Variants in RBFOX1 observed in about 807,000 individuals in gnomAD.
The protein encoded by RBFOX1 is RNA binding fox-1 homolog 1, also known as RNA binding protein fox-1 homolog 1.
RBFOX1 carries 8 observed loss-of-function variants against 57.7 expected under a neutral mutation model. The ratio of observed to expected loss-of-function variants is 0.14; its 90% CI spans 0.08 to 0.25. The LOEUF is 0.25. RBFOX1 is among the 10% of genes least tolerant of loss of function. The pLI is 1.00. For synonymous variants in RBFOX1, 326 were observed against 222.4 expected (o/e 1.47, Z -4.15); for missense variants, 611 against 548.5 (o/e 1.11, Z -1.14).
At chr16:6,079,697 G>A (rs2095969875) in intron 1 of RBFOX1, among the ~76,000 whole-genome samples, 1 of 152,128 alleles carries the variant, frequency 6.6e-6, no homozygotes, top group Admixed American at 6.5e-5. Flanking sequence ...TTAGCCAGGT[G>A]TGATGGCACA....
intron 1 of RBFOX1, among the ~76,000 whole-genome samples, chr16:5,351,241 T>G (rs1349672719): frequency 6.6e-6 from 1 of 152,042 alleles, no homozygotes; most frequent in Admixed American, 6.6e-5. Flanking sequence ...TTTGCAGGAG[T>G]TGCTTCAATA....
intron 1 of RBFOX1, among the ~76,000 whole-genome samples, chr16:5,317,740 T>G (rs1392146212): frequency 6.6e-6 from 1 of 152,264 alleles, no homozygotes; most frequent in East Asian, 1.9e-4. Flanking sequence ...CAGGCATTGC[T>G]TTGCGTTTCT....
intron 4 of RBFOX1, among the ~76,000 whole-genome samples, chr16:5,919,613 G>C (rs2058776678): frequency 6.6e-6 from 1 of 152,036 alleles, no homozygotes; most frequent in Non-Finnish European, 1.5e-5. Context: ...CAAAGTGCTG[G>C]GATTATGCAA....
chr16:6,881,023 C>T (rs1017740739), intron 3 of RBFOX1, among the ~76,000 whole-genome samples: 1 of 152,176 alleles, frequency 6.6e-6, no homozygotes, highest in Admixed American at 6.5e-5. Context: ...GTGGCCCATA[C>T]CCTCCACCTT....
intron 2 of RBFOX1, among the ~76,000 whole-genome samples, chr16:6,562,880 C>CTTTCTTTCTTT (rs746999419): frequency 0.029 from 1,470 of 51,524 alleles, 36 homozygotes; most frequent in East Asian, 0.039. Context: ...TTCTTTCTTT[C>CTTTCTTTCTTT]TTTTTTTTTT....
chr16:7,517,572 AC>A (rs1470775400), intron 4 of RBFOX1, among the ~76,000 whole-genome samples: 3 of 133,062 alleles, frequency 2.3e-5, no homozygotes, highest in African/African-American at 8.3e-5. Context: ...ACACACACAC[AC>A]AACATAACAC....
chr16:5,475,423 C>T (rs1365182171), intron 2 of RBFOX1, among the ~76,000 whole-genome samples: 2 of 152,224 alleles, frequency 1.3e-5, no homozygotes, highest in East Asian at 1.9e-4. Flanking sequence ...CAGCTTTAAA[C>T]TGTGTCCAGA....
At chr16:7,670,141 C>T (rs2070898831) in intron 13 of RBFOX1, among the ~76,000 whole-genome samples, 1 of 152,158 alleles carries the variant, frequency 6.6e-6, no homozygotes, top group Non-Finnish European at 1.5e-5. Context: ...AAGCAATTCT[C>T]CTGCCTTAGC....
chr16:7,160,144 C>A (rs927371202), intron 4 of RBFOX1, among the ~76,000 whole-genome samples: 5 of 151,722 alleles, frequency 3.3e-5, no homozygotes, highest in Non-Finnish European at 4.4e-5. Context: ...TCAATTGTTT[C>A]AAAGGAATTC....
intron 4 of RBFOX1, among the ~76,000 whole-genome samples, chr16:7,381,915 C>T (rs988619800): frequency 6.6e-6 from 1 of 152,184 alleles, no homozygotes. Flanking sequence ...TCTCCCCACA[C>T]TGTGATGCCC....
At position 5,621,263 on chromosome 16, in the gene RBFOX1, C is replaced by T. The variant is rs556048211; in HGVS notation, c.318+22302C>T. Among the ~76,000 whole-genome samples the T allele has an allele frequency of 7.2e-5, 11 of 152,314 alleles. No individual in the cohort carries two copies. In the South Asian group the frequency reaches 2.1e-3, roughly 29 times the overall value. On this transcript the variant is annotated intron_variant, in intron 3 of 19. Transcript: ENST00000641259. ...AAGTACTGGGATAACAGGCATGAGCCACCATGCCTGGCTTTCCTTTCAGCT... is the reference window on the plus strand; with the variant it reads ...AAGTACTGGGATAACAGGCATGAGCTACCATGCCTGGCTTTCCTTTCAGCT...
intron 4 of RBFOX1, among the ~76,000 whole-genome samples, chr16:7,341,189 T>C (rs183309535): frequency 5.9e-5 from 9 of 152,268 alleles, no homozygotes; most frequent in Non-Finnish European, 1.2e-4. Flanking sequence ...AGCCAGCATG[T>C]TCACTTGATT....
At chr16:5,945,940 C>CT (rs1269669736) in intron 4 of RBFOX1, among the ~76,000 whole-genome samples, 1 of 152,200 alleles carries the variant, frequency 6.6e-6, no homozygotes, top group Non-Finnish European at 1.5e-5. Flanking sequence ...GATTGGTGTG[C>CT]TTCACATCCT....
chr16:6,536,985 A>G (rs1474447301), intron 2 of RBFOX1, among the ~76,000 whole-genome samples: 1 of 152,160 alleles, frequency 6.6e-6, no homozygotes, highest in South Asian at 2.1e-4. Context: ...CTTCCTATCC[A>G]TTGTCTTTTC....
intron 3 of RBFOX1, among the ~76,000 whole-genome samples, chr16:5,831,013 T>C (rs2056249053): frequency 6.6e-6 from 1 of 152,210 alleles, no homozygotes; most frequent in African/African-American, 2.4e-5. Context: ...GTCATGTAAA[T>C]TAACCTTGCT....
chr16:6,868,343 A>G lies in RBFOX1; in HGVS notation c.-15-183714A>G, dbSNP rs1428153168. Among the ~76,000 whole-genome samples the G allele has an allele frequency of 4.6e-5, 7 of 152,290 alleles. No individual in the cohort carries two copies. In the South Asian group the frequency reaches 8.3e-4, roughly 18 times the overall value. Reference sequence around the variant, plus strand: ...GTAAAACAGAGTGGATTCATCTATGATAAGTGTCTATAAAGGGATTATGGA... The same window carrying G: ...GTAAAACAGAGTGGATTCATCTATGGTAAGTGTCTATAAAGGGATTATGGA... On this transcript the variant is annotated intron_variant, in intron 3 of 15. Coordinates refer to ENST00000550418, the MANE Select transcript of RBFOX1 (RefSeq NM_018723.4).
chr16:6,900,686 C>T (rs968965323), intron 3 of RBFOX1, among the ~76,000 whole-genome samples: 2 of 152,226 alleles, frequency 1.3e-5, no homozygotes, highest in African/African-American at 4.8e-5. Context: ...ATTCATTCTT[C>T]TGGTCTCAGA....
At position 7,711,851 on chromosome 16, in the gene RBFOX1, T is replaced by C. The variant is rs913881877; in HGVS notation, c.*1106T>C. On this transcript the variant is annotated 3_prime_UTR_variant, in exon 16 of 16. Transcript: ENST00000550418. ...TGCAATCATTGAGTAGAGATAATCA[T>C]GGTATTTTCATCAGCTTGGTACTTT... The C allele has an allele frequency of 2.0e-5, 3 of 152,612 alleles. No homozygotes were observed. Among genetic ancestry groups the C allele is most frequent in the African/African-American group, 7.2e-5 (3 of 41,446 alleles). The allele number at this position is 152,612 out of a possible 1,614,324, so 9.5% of individuals were successfully genotyped here. A position where few individuals can be genotyped will look rare whatever the true frequency, so the allele number is the denominator to read the frequency against.
intron 4 of RBFOX1, among the ~76,000 whole-genome samples, chr16:7,447,117 G>T (rs1294387580): frequency 3.3e-5 from 5 of 151,972 alleles, no homozygotes; most frequent in African/African-American, 1.2e-4. Flanking sequence ...CGGCCTCAAG[G>T]TAGGTCTGGG....
Sources: gnomAD v4.1 joint callset for allele counts (sites outside exome capture counted in the v4.1 genomes callset) on GRCh38, gnomAD v4.1.1 for gene constraint, MANE v1.5 for transcripts, NCBI Gene and HGNC (gene_info 2026-07-23, HGNC 2026-07-21) for gene names.